Variants in TASL observed in about 807,000 individuals in gnomAD.
TASL encodes the protein TLR adaptor interacting with endolysosomal SLC15A4.
In TASL, 6 loss-of-function variants were observed where a neutral mutation model predicts 12.9. The ratio of observed to expected loss-of-function variants is 0.46; its 90% confidence interval spans 0.25 to 0.92. TASL has a LOEUF of 0.92. Among genes scored for constraint, TASL ranks in the 40% least tolerant of loss-of-function variants. The pLI, the probability that TASL is intolerant of heterozygous loss-of-function variation, is 0.17. For synonymous variants in TASL, 85 were observed against 79.3 expected (o/e 1.07, Z -0.38); for missense variants, 165 against 212.8 (o/e 0.78, Z 1.40).
chrX:30,564,783 A>C (rs753628204), intron 2 of TASL, among the ~76,000 whole-genome samples: 1 of 112,255 alleles, frequency 8.9e-6, no homozygotes, highest in African/African-American at 3.2e-5. Flanking sequence ...AATGGAGACA[A>C]AGGATACAGG....
At chrX:30,570,099 A>G (rs1930569390) in intron 2 of TASL, among the ~76,000 whole-genome samples, 1 of 111,009 alleles carries the variant, frequency 9.0e-6, no homozygotes, top group Non-Finnish European at 1.9e-5. Flanking sequence ...GTGTATATAT[A>G]TAAATATATG....
chrX:30,572,901 T>C (rs1265954909), intron 2 of TASL, among the ~76,000 whole-genome samples: 1 of 111,743 alleles, frequency 8.9e-6, no homozygotes, highest in African/African-American at 3.3e-5. Context: ...GGGGGCCAAT[T>C]TGGTCCTGGG....
At chrX:30,573,776 G>A (rs771274816) in intron 2 of TASL, among the ~76,000 whole-genome samples, 1 of 109,971 alleles carries the variant, frequency 9.1e-6, no homozygotes, top group South Asian at 3.9e-4. Context: ...AAATTAGCCT[G>A]GTGTGGTGGC....
intron 2 of TASL, among the ~76,000 whole-genome samples, chrX:30,563,272 C>T (rs1055930393): frequency 1.8e-5 from 2 of 111,938 alleles, no homozygotes; most frequent in African/African-American, 6.5e-5. Context: ...TCCTGCCACC[C>T]TGTGAAGAGG....
At chrX:30,570,268 G>T (rs1601838478) in intron 2 of TASL, among the ~76,000 whole-genome samples, 1 of 105,547 alleles carries the variant, frequency 9.5e-6, no homozygotes, top group African/African-American at 3.5e-5. Context: ...ACATATATAT[G>T]AAGAGAAAGA....
intron 2 of TASL, among the ~76,000 whole-genome samples, chrX:30,571,286 G>GAAAGAAAGAAAGAAAGAAAGAA (rs1569306153): frequency 2.3e-4 from 15 of 64,892 alleles, no homozygotes; most frequent in African/African-American, 9.7e-4. Context: ...AAGAAAGAAA[G>GAAAGAAAGAAAGAAAGAAAGAA]AAAGAAAGAA....
At chrX:30,573,083 A>C (rs1930653551) in intron 2 of TASL, among the ~76,000 whole-genome samples, 1 of 112,187 alleles carries the variant, frequency 8.9e-6, no homozygotes, top group South Asian at 3.7e-4. Context: ...TCCTTTTAAA[A>C]ATCTTTTAAT....
At chrX:30,569,680 A>G (rs1193738678) in intron 2 of TASL, among the ~76,000 whole-genome samples, 1 of 111,829 alleles carries the variant, frequency 8.9e-6, no homozygotes, top group Non-Finnish European at 1.9e-5. Context: ...TGTAAAGACT[A>G]CAAGAGCTTT....
chrX:30,569,147 G>A (rs897755716), intron 2 of TASL, among the ~76,000 whole-genome samples: 1 of 111,023 alleles, frequency 9.0e-6, no homozygotes, highest in African/African-American at 3.3e-5. Context: ...TGGCAATAAA[G>A]TGCAAAATTA....
rs1452182895 is a variant in TASL, at chrX:30,559,738, A to G, written c.618T>C (p.Ser206=). The G allele has an allele frequency of 8.3e-7, 1 of 1,209,586 alleles. No individual in the cohort carries two copies. The highest frequency in any genetic ancestry group is 1.1e-6 in the Non-Finnish European group (1 of 894,812). ...CCAGGTACTCATTCAGAACTGCATTAGAAATAGGATTCTGCATTTGCAAGC... is the reference window on the plus strand; with the variant it reads ...CCAGGTACTCATTCAGAACTGCATTGGAAATAGGATTCTGCATTTGCAAGC... ...KSSLQMQNPI[S]NAVLNEYLEQ... is the part of the protein sequence containing the mutation. Residue 206 remains serine (S), a synonymous_variant, in exon 3 of 3, where the codon TCT becomes TCC. Coordinates refer to ENST00000378962, the MANE Select transcript of TASL (RefSeq NM_025159.3).
intron 2 of TASL, among the ~76,000 whole-genome samples, chrX:30,566,652 A>T (rs1930502392): frequency 2.7e-5 from 3 of 112,215 alleles, no homozygotes; most frequent in African/African-American, 9.7e-5. Context: ...AATTTCTTTT[A>T]AAGTTTTTTA....
chrX:30,574,209 C>T (rs999485959), intron 2 of TASL, among the ~76,000 whole-genome samples: 1 of 111,205 alleles, frequency 9.0e-6, no homozygotes, highest in Non-Finnish European at 1.9e-5. Context: ...TCTGGTCCAC[C>T]ACCCATAACC....
chrX:30,570,481 C>T (rs1185813293), intron 2 of TASL, among the ~76,000 whole-genome samples: 2 of 111,458 alleles, frequency 1.8e-5, no homozygotes, highest in African/African-American at 6.5e-5. Context: ...TTATTATGCT[C>T]ATTTTACAGA....
At chrX:30,564,443 T>C (rs908310941) in intron 2 of TASL, among the ~76,000 whole-genome samples, 1 of 107,892 alleles carries the variant, frequency 9.3e-6, no homozygotes, top group Admixed American at 9.9e-5. Flanking sequence ...CCTCCTCTCA[T>C]GAATGTGAAA....
chrX:30,565,415 T>C (rs1272928996), intron 2 of TASL, among the ~76,000 whole-genome samples: 3 of 112,021 alleles, frequency 2.7e-5, no homozygotes, highest in Admixed American at 9.5e-5. Flanking sequence ...TGAAGACAAC[T>C]GAAAAGGTCT....
intron 2 of TASL, among the ~76,000 whole-genome samples, chrX:30,573,614 C>T (rs777695326): frequency 1.9e-4 from 21 of 111,943 alleles, no homozygotes; most frequent in Middle Eastern, 4.7e-3. Flanking sequence ...AACCATCTTT[C>T]ACAGGGTGAT....
chrX:30,567,223 C>T (rs1333291686), intron 2 of TASL, among the ~76,000 whole-genome samples: 1 of 106,885 alleles, frequency 9.4e-6, no homozygotes, highest in African/African-American at 3.4e-5. Flanking sequence ...CAGCAGTGAG[C>T]TGTGATTGTG....
chrX:30,577,308 G>A (rs1930722240), intron 1 of TASL, among the ~76,000 whole-genome samples: 1 of 112,415 alleles, frequency 8.9e-6, no homozygotes, highest in Non-Finnish European at 1.9e-5. Context: ...GTGGCAATTA[G>A]TGAAAGAGGA....
At chrX:30,566,608 T>G (rs1308955127) in intron 2 of TASL, among the ~76,000 whole-genome samples, 1 of 112,590 alleles carries the variant, frequency 8.9e-6, no homozygotes, top group Non-Finnish European at 1.9e-5. Flanking sequence ...GAGACTTTTT[T>G]TTGTTTCATT....
Sources: gnomAD v4.1 joint callset for allele counts (sites outside exome capture counted in the v4.1 genomes callset) on GRCh38, gnomAD v4.1.1 for gene constraint, MANE v1.5 for transcripts, NCBI Gene and HGNC (gene_info 2026-07-23, HGNC 2026-07-21) for gene names.